RAPGEF4: variants seen among roughly 807,000 people sequenced by gnomAD.
The protein encoded by RAPGEF4 is Rap guanine nucleotide exchange factor 4.
RAPGEF4 carries 66 observed loss-of-function variants against 147.9 expected under a neutral mutation model. The ratio of observed to expected loss-of-function variants is 0.45; its 90% CI spans 0.37 to 0.55. RAPGEF4 has a LOEUF of 0.55. Among genes scored for constraint, RAPGEF4 ranks in the 20% least tolerant of loss-of-function variants. The probability of loss-of-function intolerance (pLI) is 0.00; values close to 1 mark genes in which losing one functional copy is unlikely to be tolerated. For synonymous variants in RAPGEF4, 419 were observed against 442.7 expected (o/e 0.95, Z 0.67); for missense variants, 1,071 against 1,257.3 (o/e 0.85, Z 2.24).
chr2:172,917,772 GT>G, intron 4 of RAPGEF4, 29 bp from the exon 5 acceptor site: 2 of 1,557,864 alleles, frequency 1.3e-6, no homozygotes. Flanking sequence ...GTAAATATCT[GT>G]GTGTTGAGTT....
At chr2:172,813,423 C>A (rs1688203668) in intron 3 of RAPGEF4, among the ~76,000 whole-genome samples, 3 of 152,174 alleles carry the variant, frequency 2.0e-5, no homozygotes, top group Admixed American at 2.0e-4. Context: ...ACTTTTAAAT[C>A]ATCGATTCAT....
chr2:173,007,126 T>C (rs1364632494), intron 17 of RAPGEF4, among the ~76,000 whole-genome samples: 1 of 152,194 alleles, frequency 6.6e-6, no homozygotes, highest in Non-Finnish European at 1.5e-5. Context: ...AGCTAGGTAA[T>C]TGGCCCCTAG....
chr2:172,810,347 T>G (rs1465146111), intron 3 of RAPGEF4, among the ~76,000 whole-genome samples: 4 of 152,254 alleles, frequency 2.6e-5, no homozygotes, highest in African/African-American at 9.6e-5. Flanking sequence ...GCAGTTTAAA[T>G]ACATTATCTC....
intron 4 of RAPGEF4, among the ~76,000 whole-genome samples, chr2:172,887,555 G>A (rs970028738): frequency 6.6e-6 from 1 of 152,130 alleles, no homozygotes; most frequent in African/African-American, 2.4e-5. Flanking sequence ...AGCCACACTC[G>A]TTTATTCATA....
chr2:172,780,489 A>G (rs1329847477), intron 1 of RAPGEF4, among the ~76,000 whole-genome samples: 1 of 152,186 alleles, frequency 6.6e-6, no homozygotes. Context: ...TCCAGTGATT[A>G]GCTTTTGTTC....
chr2:172,747,937 C>T (rs983320486), intron 1 of RAPGEF4, among the ~76,000 whole-genome samples: 3 of 152,154 alleles, frequency 2.0e-5, no homozygotes, highest in African/African-American at 7.2e-5. Context: ...CTGTGCCTGG[C>T]TTGTTTCACT....
intron 1 of RAPGEF4, among the ~76,000 whole-genome samples, chr2:172,756,990 A>T (rs1057167972): frequency 6.6e-6 from 1 of 152,332 alleles, no homozygotes; most frequent in African/African-American, 2.4e-5. Context: ...ATTTTGGCCA[A>T]CTGAGAATTT....
At chr2:172,841,617 A>C (rs1691602514) in intron 4 of RAPGEF4, among the ~76,000 whole-genome samples, 1 of 152,186 alleles carries the variant, frequency 6.6e-6, no homozygotes, top group African/African-American at 2.4e-5. Context: ...TGGAATTTAC[A>C]AGAAACACTC....
chr2:172,776,691 T>C (rs556190579), intron 1 of RAPGEF4, among the ~76,000 whole-genome samples: 108 of 152,058 alleles, frequency 7.1e-4, no homozygotes, highest in African/African-American at 2.3e-3. Context: ...TCAGTTATCC[T>C]TTTTTTTCTG....
At chr2:172,827,502 C>A (rs1352059817) in intron 4 of RAPGEF4, among the ~76,000 whole-genome samples, 1 of 152,080 alleles carries the variant, frequency 6.6e-6, no homozygotes, top group African/African-American at 2.4e-5. Context: ...TCTTCCTTTT[C>A]AATTCCATCC....
chr2:172,876,243 T>C (rs559465597), intron 4 of RAPGEF4, among the ~76,000 whole-genome samples: 1 of 152,142 alleles, frequency 6.6e-6, no homozygotes, highest in Non-Finnish European at 1.5e-5. Context: ...CCTTTCTTTC[T>C]TTCTCCTGCC....
chr2:172,836,359 T>C (rs538856033), intron 4 of RAPGEF4, among the ~76,000 whole-genome samples: 1 of 152,330 alleles, frequency 6.6e-6, no homozygotes, highest in Admixed American at 6.5e-5. Context: ...AGGTTAAAGG[T>C]GTGATGCCTT....
intron 6 of RAPGEF4, among the ~76,000 whole-genome samples, chr2:172,950,087 A>G (rs2676506): frequency 1.3e-5 from 2 of 152,152 alleles, no homozygotes; most frequent in East Asian, 3.9e-4. Context: ...AGGTTAGTAG[A>G]CATTTCTTCT....
chr2:172,815,569 A>T (rs905822426), intron 4 of RAPGEF4, among the ~76,000 whole-genome samples: 1 of 152,252 alleles, frequency 6.6e-6, no homozygotes, highest in African/African-American at 2.4e-5. Context: ...ATTTTCTGTC[A>T]ATTAAAAGGG....
intron 1 of RAPGEF4, among the ~76,000 whole-genome samples, chr2:172,787,021 C>T (rs1248978111): frequency 2.0e-5 from 3 of 152,024 alleles, no homozygotes; most frequent in African/African-American, 7.3e-5. Context: ...ACCAGCCTGG[C>T]CAACGTGGTG....
Position 172,756,623 on chromosome 2 carries a change from A to G in RAPGEF4, c.65+20575A>G, listed in dbSNP as rs538712042. Among the ~76,000 whole-genome samples the G allele has an allele frequency of 3.9e-5, 6 of 152,336 alleles. No homozygotes were observed. The South Asian group carries it at 1.2e-3, about 32-fold the overall frequency. ...TCTCTTGTAGGCTAATCTCTTAAAT[A>G]GAAGAAGTAGGACAGACACCTTGTT... is the stretch of plus-strand genomic sequence containing the variant. On this transcript the variant is annotated intron_variant, in intron 1 of 30. Coordinates refer to ENST00000397081, the MANE Select transcript of RAPGEF4 (RefSeq NM_007023.4).
At chr2:172,953,688 T>C (rs780625567) in intron 6 of RAPGEF4, among the ~76,000 whole-genome samples, 27 of 152,196 alleles carry the variant, frequency 1.8e-4, no homozygotes, top group African/African-American at 6.0e-4. Flanking sequence ...ATTAGTCATG[T>C]ACATGTTTTA....
Position 172,990,914 on chromosome 2 carries a change from G to A in RAPGEF4, c.1479G>A (p.Gln493=), listed in dbSNP as rs1692768364. Residue 493 remains glutamine, a synonymous_variant, in exon 15 of 31, where the codon CAG becomes CAA. Coordinates refer to ENST00000397081, the MANE Select transcript of RAPGEF4 (RefSeq NM_007023.4). Reference sequence around the variant, plus strand: ...GAGCTTCTAATCAAGGAAACTCACAGCCTCAGCAAAAGTATGTTTGCATCC... The same window carrying A: ...GAGCTTCTAATCAAGGAAACTCACAACCTCAGCAAAAGTATGTTTGCATCC... ...GNRASNQGNS[Q]PQQKYTVMSG... 5 of 1,612,190 alleles carry A rather than the reference G, an allele frequency of 3.1e-6. No homozygotes were observed. The highest frequency in any genetic ancestry group is 4.2e-6 in the Non-Finnish European group (5 of 1,178,430).
At chr2:172,934,174 G>A (rs1686288224) in intron 6 of RAPGEF4, among the ~76,000 whole-genome samples, 1 of 95,548 alleles carries the variant, frequency 1.0e-5, no homozygotes, top group Admixed American at 1.7e-4. Flanking sequence ...TTTTGCGTCA[G>A]TGTCTTGCTC....
Sources: gnomAD v4.1 joint callset for allele counts (sites outside exome capture counted in the v4.1 genomes callset) on GRCh38, gnomAD v4.1.1 for gene constraint, MANE v1.5 for transcripts, NCBI Gene and HGNC (gene_info 2026-07-23, HGNC 2026-07-21) for gene names.